Variants in TSEN2 observed in about 807,000 individuals in gnomAD.
TSEN2 encodes the protein tRNA-splicing endonuclease subunit Sen2.
TSEN2 carries 54 observed loss-of-function variants against 59.2 expected under a neutral mutation model. The observed-to-expected ratio is 0.91, with a 90% CI of 0.73 to 1.14. TSEN2 has a LOEUF of 1.14. Ranked by LOEUF, TSEN2 falls within the 50% of genes most tolerant of loss-of-function variation. TSEN2 has a pLI of 0.00. For missense variants in TSEN2, 636 were observed against 576.2 expected (o/e 1.10, Z -1.06); for synonymous variants, 195 against 198.2 (o/e 0.98, Z 0.14).
chr3:12,503,721 G>A lies in TSEN2; in HGVS notation c.768G>A (p.Glu256=), dbSNP rs200009549. ...LHPGDRGPDH[E]YVLVEEAECA... ...CTGGGGACAGAGGGCCTGACCATGAGTACGTGCTGGTCGAGGAAGCGGAGT... is the reference window on the plus strand; with the variant it reads ...CTGGGGACAGAGGGCCTGACCATGAATACGTGCTGGTCGAGGAAGCGGAGT... Residue 256 remains glutamate (E), a synonymous_variant, in exon 5 of 12, where the codon GAG becomes GAA. Transcript: ENST00000284995. The A allele has an allele frequency of 2.7e-5, 44 of 1,614,070 alleles. No individual in the cohort carries two copies. The East Asian group carries it at 7.4e-4, about 27-fold the overall frequency.
chr3:12,506,626 T>C, intron 6 of TSEN2: 1 of 878,244 alleles, frequency 1.1e-6, no homozygotes, highest in Non-Finnish European at 1.4e-6. Flanking sequence ...ATAAACTGCA[T>C]CATATTGTCC....
In TSEN2 at chr3:12,506,908, G is replaced by C. The variant is rs563595767; in HGVS notation, c.909+1677G>C. ...TAGCTGAGACCACAGGAAAGTAATT[G>C]TGGGGGCCGGGCGCCGTGGCTCACA... On this transcript the variant is annotated intron_variant, in intron 6 of 11. Transcript: ENST00000284995. The C allele has an allele frequency of 1.2e-4, 114 of 979,274 alleles. 2 individuals carry two copies. The South Asian group carries it at 4.3e-3, about 37-fold the overall frequency. The allele number at this position is 979,274 out of a possible 1,614,324, so 60.7% of individuals were successfully genotyped here. A position where few individuals can be genotyped will look rare whatever the true frequency, so the allele number is the denominator to read the frequency against.
rs41293383 is a variant in TSEN2 at position 12,489,669 on chromosome 3, A to G, written c.-17-115A>G. On this transcript the variant is annotated intron_variant, in intron 1 of 11. Transcript: ENST00000284995. ...TAGTTTATTGCTTTATAAATACTCT[A>G]TTTCTTCCCACAGACCACTAAGTTT... 10,351 of 818,780 alleles carry G rather than the reference A, an allele frequency of 0.013. 82 individuals are homozygous for G. The highest frequency in any genetic ancestry group is 0.017 in the Non-Finnish European group (8,524 of 502,232). The allele number at this position is 818,780 out of a possible 1,614,324, so 50.7% of individuals were successfully genotyped here.
chr3:12,495,843 T>C (rs966935916), intron 3 of TSEN2, among the ~76,000 whole-genome samples: 1 of 152,214 alleles, frequency 6.6e-6, no homozygotes, highest in Non-Finnish European at 1.5e-5. Context: ...CTGGGTGACC[T>C]GATAAACATT....
At position 12,503,374 on chromosome 3, in the gene TSEN2, G is replaced by T; in HGVS notation, c.421G>T (p.Val141Leu). Residue 141 changes from valine (V) to leucine (L), a missense_variant, in exon 5 of 12, where the codon GTG becomes TTG. Physicochemically the swap from Val to Leu is conservative, Grantham distance 32. Transcript: ENST00000284995. ...DYTKPLEHPP[V>L]KRNEEAQVHD... ...CACGAAACCGCTTGAGCATCCTCCT[G>T]TGAAAAGGAATGAAGAGGCTCAAGT... is the stretch of plus-strand genomic sequence containing the variant. The T allele has an allele frequency of 6.2e-7, 1 of 1,614,230 alleles. No homozygotes were observed. Among genetic ancestry groups the T allele is most frequent in the Non-Finnish European group, 8.5e-7 (1 of 1,180,040 alleles).
chr3:12,530,172 G>C, intron 10 of TSEN2: 2 of 1,236,016 alleles, frequency 1.6e-6, no homozygotes, highest in Non-Finnish European at 2.0e-6. Context: ...CTTCCCAGGG[G>C]TATCGTTGCT....
intron 6 of TSEN2, among the ~76,000 whole-genome samples, chr3:12,505,875 G>A (rs913526302): frequency 1.3e-5 from 2 of 152,200 alleles, no homozygotes; most frequent in African/African-American, 4.8e-5. Flanking sequence ...TGACGTGGGA[G>A]GATTGCTTGA....
At chr3:12,489,282 C>T (rs2124919905) in intron 1 of TSEN2, among the ~76,000 whole-genome samples, 1 of 151,396 alleles carries the variant, frequency 6.6e-6, no homozygotes, top group South Asian at 2.1e-4. Context: ...AGCTGATTGA[C>T]CCAATGTTTA....
intron 8 of TSEN2, among the ~76,000 whole-genome samples, chr3:12,525,520 A>G (rs888476261): frequency 4.6e-5 from 7 of 151,866 alleles, no homozygotes; most frequent in African/African-American, 1.7e-4. Context: ...TTTTCCTTTT[A>G]TACTCCCTGT....
At chr3:12,517,357 C>CAAAA (rs10663207) in intron 7 of TSEN2, among the ~76,000 whole-genome samples, 19 of 81,492 alleles carry the variant, frequency 2.3e-4, no homozygotes, top group Admixed American at 4.4e-4. Context: ...GACTCTGTCT[C>CAAAA]AAAAAAAAAA....
chr3:12,524,050 C>G (rs2056885073), intron 8 of TSEN2, among the ~76,000 whole-genome samples: 1 of 152,166 alleles, frequency 6.6e-6, no homozygotes, highest in Non-Finnish European at 1.5e-5. Context: ...AATATCCAGT[C>G]TATACTTAAA....
chr3:12,513,630 T>G (rs2055734629), intron 6 of TSEN2, among the ~76,000 whole-genome samples: 1 of 152,210 alleles, frequency 6.6e-6, no homozygotes, highest in Admixed American at 6.5e-5. Context: ...GATCTCAAAC[T>G]TCAGTCTTTG....
At chr3:12,528,945 A>G in intron 9 of TSEN2, 21 bp downstream of exon 9, 1 of 1,613,764 alleles carries the variant, frequency 6.2e-7, no homozygotes, top group Admixed American at 1.7e-5. Flanking sequence ...ATTTTTAAAT[A>G]AACTAATGGG....
intron 1 of TSEN2, among the ~76,000 whole-genome samples, chr3:12,487,055 G>T (rs956518214): frequency 6.6e-6 from 1 of 152,138 alleles, no homozygotes; most frequent in Admixed American, 6.5e-5. Flanking sequence ...CTATACCTAG[G>T]GGTGGAGTTG....
At chr3:12,495,681 T>A (rs561106085) in intron 3 of TSEN2, among the ~76,000 whole-genome samples, 2 of 152,360 alleles carry the variant, frequency 1.3e-5, no homozygotes, top group African/African-American at 4.8e-5. Flanking sequence ...GTGTGCAATC[T>A]TGGCTGGGTG....
At position 12,489,654 on chromosome 3, in the gene TSEN2, C is replaced by T. The variant is rs190834998; in HGVS notation, c.-17-130C>T. The T allele has an allele frequency of 9.4e-4, 704 of 746,768 alleles. 3 individuals are homozygous for T. In the African/African-American group the frequency reaches 0.011, roughly 12 times the overall value. The allele number at this position is 746,768 out of a possible 1,614,324, so 46.3% of individuals were successfully genotyped here. On this transcript the variant is annotated intron_variant, in intron 1 of 11. Coordinates refer to ENST00000284995, the MANE Select transcript of TSEN2 (RefSeq NM_025265.4). ...TGTTCTTACTGCTTTTAGTTTATTGCTTTATAAATACTCTATTTCTTCCCA... is the reference window on the plus strand; with the variant it reads ...TGTTCTTACTGCTTTTAGTTTATTGTTTTATAAATACTCTATTTCTTCCCA...
chr3:12,529,338 G>C (rs2057310635), intron 9 of TSEN2, among the ~76,000 whole-genome samples: 1 of 152,082 alleles, frequency 6.6e-6, no homozygotes, highest in Non-Finnish European at 1.5e-5. Context: ...ATGGTGGCAG[G>C]CGCCTGTAAT....
intron 8 of TSEN2, among the ~76,000 whole-genome samples, chr3:12,522,609 C>G (rs1346227262): frequency 6.6e-6 from 1 of 152,210 alleles, no homozygotes; most frequent in African/African-American, 2.4e-5. Flanking sequence ...GGCCAATGAC[C>G]TAGTCACATG....
chr3:12,501,370 C>T (rs1559299271), intron 4 of TSEN2, among the ~76,000 whole-genome samples: 2 of 152,134 alleles, frequency 1.3e-5, no homozygotes, highest in African/African-American at 4.8e-5. Flanking sequence ...AGTCACGGTG[C>T]CGTACTGACT....
Sources: allele counts gnomAD v4.1 joint callset (sites outside exome capture counted in the v4.1 genomes callset), GRCh38; gene constraint gnomAD v4.1.1; transcripts MANE v1.5; gene names NCBI Gene and HGNC (gene_info 2026-07-23, HGNC 2026-07-21).